The following KCNMA1 variants were observed in gnomAD, a reference collection of about 807,000 sequenced individuals.
KCNMA1 encodes potassium calcium-activated channel subfamily M alpha 1.
Under a neutral mutation model 140.0 loss-of-function variants are expected in KCNMA1, and 29 were observed. The ratio of observed to expected loss-of-function variants is 0.21; its 90% CI spans 0.15 to 0.28. The LOEUF (loss-of-function observed/expected upper bound fraction) is 0.28, where lower values mean the gene tolerates loss of function less well. Among genes scored for constraint, KCNMA1 ranks in the 10% least tolerant of loss-of-function variants. The pLI is 1.00. For synonymous variants in KCNMA1, 612 were observed against 611.9 expected (o/e 1.00, Z 0.00); for missense variants, 880 against 1,602.2 (o/e 0.55, Z 7.70).
At chr10:76,883,283 G>T (rs2035394464), downstream of KCNMA1, among the ~76,000 whole-genome samples, 1 of 152,158 alleles carries the variant, frequency 6.6e-6, no homozygotes, top group South Asian at 2.1e-4. Context: ...ATAGAAAATG[G>T]TTAAAGGTAT....
chr10:77,174,066 G>A (rs923330101), intron 5 of KCNMA1, among the ~76,000 whole-genome samples: 1 of 152,082 alleles, frequency 6.6e-6, no homozygotes, highest in East Asian at 1.9e-4. Context: ...AGCCTCTAGG[G>A]GGCACCAGAG....
In KCNMA1 at chr10:76,927,862, T is replaced by G. The variant is rs377412867; in HGVS notation, c.2903-12813A>C. Among the ~76,000 whole-genome samples the G allele has an allele frequency of 2.4e-4, 36 of 152,346 alleles. No individual in the cohort carries two copies. In the East Asian group the frequency reaches 3.3e-3, roughly 14 times the overall value. On this transcript the variant is annotated intron_variant, in intron 23 of 27. Transcript: ENST00000286628. ...CTCCCACTGGGAACTGGAGGAACTT[T>G]GTGAAATATTAAAGAAGAAAGCCTT...
chr10:77,163,835 T>G (rs746571597), intron 5 of KCNMA1, among the ~76,000 whole-genome samples: 32 of 152,190 alleles, frequency 2.1e-4, no homozygotes, highest in Non-Finnish European at 4.4e-4. Context: ...TGGGTTTCCC[T>G]TTTAGAATGA....
Position 77,474,554 on chromosome 10 carries a change from A to C in KCNMA1, c.379-70531T>G, listed in dbSNP as rs2098236765. Among the ~76,000 whole-genome samples, 2 of 152,098 alleles carry C rather than the reference A, an allele frequency of 1.3e-5. 1 individual carries two copies. The highest frequency in any genetic ancestry group is 2.9e-5 in the Non-Finnish European group (2 of 68,012). On this transcript the variant is annotated intron_variant, in intron 1 of 27. Transcript: ENST00000286628. ...AAGGTAACTGTCGGTTGTGTGAGCCACCCAGGCGATGGTCCTTTGTTACAG... is the reference window on the plus strand; with the variant it reads ...AAGGTAACTGTCGGTTGTGTGAGCCCCCCAGGCGATGGTCCTTTGTTACAG...
At chr10:77,021,338 G>C (rs147730353) in intron 16 of KCNMA1, among the ~76,000 whole-genome samples, 70 of 152,270 alleles carry the variant, frequency 4.6e-4, no homozygotes, top group African/African-American at 1.6e-3. Context: ...ATGCCTCTAA[G>C]AGAGTTAAAG....
At chr10:77,291,855 G>T (rs1438059647) in intron 2 of KCNMA1, among the ~76,000 whole-genome samples, 1 of 152,140 alleles carries the variant, frequency 6.6e-6, no homozygotes, top group Non-Finnish European at 1.5e-5. Flanking sequence ...ACCAGTGGAG[G>T]CTCCAGTATG....
At chr10:77,553,092 C>T (rs113552831) in intron 1 of KCNMA1, among the ~76,000 whole-genome samples, 1,788 of 151,750 alleles carry the variant, frequency 0.012, 16 homozygotes, top group Non-Finnish European at 0.018. Context: ...GGTGGGGAGG[C>T]GGGGAGAAAG....
intron 19 of KCNMA1, among the ~76,000 whole-genome samples, chr10:76,988,698 G>C (rs1304041467): frequency 6.6e-6 from 1 of 152,010 alleles, no homozygotes; most frequent in Non-Finnish European, 1.5e-5. Context: ...ATTTGCTGAC[G>C]ATCTCCAGAC....
intron 1 of KCNMA1, among the ~76,000 whole-genome samples, chr10:77,408,942 G>C (rs2154473884): frequency 6.6e-6 from 1 of 152,292 alleles, no homozygotes; most frequent in South Asian, 2.1e-4. Flanking sequence ...AGAAGGTGGG[G>C]AGGAATTCAG....
chr10:77,012,325 T>C (rs566226283), intron 17 of KCNMA1: 2 of 1,465,594 alleles, frequency 1.4e-6, no homozygotes, highest in South Asian at 1.5e-5. Flanking sequence ...TGTCTGCTCA[T>C]TCGTCTTTCA....
chr10:77,542,305 A>C (rs1433874225), intron 1 of KCNMA1, among the ~76,000 whole-genome samples: 1 of 152,232 alleles, frequency 6.6e-6, no homozygotes, highest in Non-Finnish European at 1.5e-5. Flanking sequence ...AATTGGCATA[A>C]AGAGAGACAT....
chr10:77,365,651 C>T (rs773801791), intron 2 of KCNMA1, among the ~76,000 whole-genome samples: 2 of 152,176 alleles, frequency 1.3e-5, no homozygotes, highest in African/African-American at 2.4e-5. Context: ...TTTTCTTCCT[C>T]TTCCTCTTTA....
At chr10:77,067,661 T>C (rs1349381114) in intron 14 of KCNMA1, among the ~76,000 whole-genome samples, 1 of 152,200 alleles carries the variant, frequency 6.6e-6, no homozygotes, top group Non-Finnish European at 1.5e-5. Context: ...GCAGTGTGTG[T>C]CAATCCCTTC....
intron 13 of KCNMA1, among the ~76,000 whole-genome samples, chr10:77,074,161 T>G (rs1236231719): frequency 6.6e-6 from 1 of 152,174 alleles, no homozygotes; most frequent in Non-Finnish European, 1.5e-5. Context: ...AGACCTAGCT[T>G]GGCAGCAGGC....
At chr10:77,175,230 C>G (rs2098742515) in intron 5 of KCNMA1, among the ~76,000 whole-genome samples, 1 of 152,124 alleles carries the variant, frequency 6.6e-6, no homozygotes. Context: ...AAGATGGGCT[C>G]CAGAATTGGA....
At chr10:76,948,913 A>G (rs2065239176) in intron 22 of KCNMA1, 2 of 594,038 alleles carry the variant, frequency 3.4e-6, no homozygotes, top group Non-Finnish European at 6.0e-6. Flanking sequence ...GATACAAGCT[A>G]AACTTCATCC....
At chr10:76,879,016 A>C (rs1346898710) in intron 29 of KCNMA1, among the ~76,000 whole-genome samples, 1 of 152,186 alleles carries the variant, frequency 6.6e-6, no homozygotes, top group Admixed American at 6.5e-5. Flanking sequence ...TTTTCTGCTT[A>C]CCAGAACAAT....
At chr10:77,376,096 C>G (rs901626852) in intron 2 of KCNMA1, among the ~76,000 whole-genome samples, 3 of 152,218 alleles carry the variant, frequency 2.0e-5, no homozygotes, top group African/African-American at 7.2e-5. Context: ...CTCAGACAGG[C>G]CACGGTCCTT....
chr10:77,436,456 C>T (rs921273452), intron 1 of KCNMA1, among the ~76,000 whole-genome samples: 3 of 152,220 alleles, frequency 2.0e-5, no homozygotes, highest in African/African-American at 7.2e-5. Flanking sequence ...GGAGTGCAAG[C>T]ACTAAAGAAA....
Sources: gnomAD v4.1 joint callset for allele counts (sites outside exome capture counted in the v4.1 genomes callset) on GRCh38, gnomAD v4.1.1 for gene constraint, MANE v1.5 for transcripts, NCBI Gene and HGNC (gene_info 2026-07-23, HGNC 2026-07-21) for gene names.